SOX5: variants seen among roughly 807,000 people sequenced by gnomAD.
SOX5 encodes transcription factor SOX-5.
Under a neutral mutation model 92.0 loss-of-function variants are expected in SOX5, and 9 were observed. That is an observed-to-expected ratio of 0.10 (90% CI 0.06 to 0.17). The LOEUF is 0.17. Among genes scored for constraint, SOX5 ranks in the 10% least tolerant of loss-of-function variants. The pLI, the probability that SOX5 is intolerant of heterozygous loss-of-function variation, is 1.00. For missense variants in SOX5, 642 were observed against 944.5 expected, an observed-to-expected ratio of 0.68 and a Z score of 4.20; for synonymous variants, 344 against 336.3, an observed-to-expected ratio of 1.02 and a Z score of -0.25.
intron 1 of SOX5, among the ~76,000 whole-genome samples, chr12:24,417,182 G>A (rs1489595488): frequency 6.6e-6 from 1 of 152,176 alleles, no homozygotes; most frequent in South Asian, 2.1e-4. Context: ...GCAAAGCTAC[G>A]AGACTGGACA....
intron 1 of SOX5, among the ~76,000 whole-genome samples, chr12:24,396,315 CAG>C (rs1959943211): frequency 6.6e-6 from 1 of 152,132 alleles, no homozygotes; most frequent in Admixed American, 6.5e-5. Context: ...CTGCTATATC[CAG>C]ACGGTCCATG....
At chr12:23,843,626 C>A (rs1179027911) in intron 3 of SOX5, among the ~76,000 whole-genome samples, 1 of 139,454 alleles carries the variant, frequency 7.2e-6, no homozygotes, top group Non-Finnish European at 1.5e-5. Context: ...TGCAGTGGCC[C>A]AATCTTGGCT....
intron 2 of SOX5, among the ~76,000 whole-genome samples, chr12:24,337,339 T>C (rs2141034454): frequency 7.7e-6 from 1 of 129,424 alleles, no homozygotes; most frequent in South Asian, 2.9e-4. Context: ...ATCTGATTTT[T>C]CTTTTTTTTT....
intron 2 of SOX5, among the ~76,000 whole-genome samples, chr12:24,287,749 C>T (rs997883897): frequency 2.6e-5 from 4 of 152,002 alleles, no homozygotes; most frequent in East Asian, 1.9e-4. Context: ...TTTACTTAAG[C>T]GATCTGATTT....
intron 3 of SOX5, among the ~76,000 whole-genome samples, chr12:23,771,528 C>T (rs1304874000): frequency 1.3e-5 from 2 of 152,216 alleles, no homozygotes; most frequent in African/African-American, 2.4e-5. Flanking sequence ...AATTATACAA[C>T]CGCTGACTGA....
In SOX5 at chr12:23,978,708, T is replaced by G. The variant is rs138472114; in HGVS notation, c.-1-82684A>C. Among the ~76,000 whole-genome samples, 172 of 152,314 alleles carry G rather than the reference T, an allele frequency of 1.1e-3. 4 individuals carry two copies. The East Asian group carries it at 0.029, about 25-fold the overall frequency. On this transcript the variant is annotated intron_variant, in intron 4 of 4. Coordinates refer to the SOX5 transcript ENST00000446891. ...CTGTGTTCTGTGTTCCATATCTAGC[T>G]CTAAATGATGTCATTCGTTTGTCTG...
At chr12:24,159,296 A>C (rs1293002116) in intron 4 of SOX5, among the ~76,000 whole-genome samples, 3 of 151,970 alleles carry the variant, frequency 2.0e-5, no homozygotes, top group Admixed American at 6.6e-5. Flanking sequence ...AAGTAAAACA[A>C]GGTCCCTGCT....
intron 3 of SOX5, among the ~76,000 whole-genome samples, chr12:24,252,537 G>A (rs992992106): frequency 6.6e-6 from 1 of 152,054 alleles, no homozygotes; most frequent in Non-Finnish European, 1.5e-5. Flanking sequence ...TAATAGGCAA[G>A]TGTTTCATCT....
At chr12:24,025,823 C>T (rs1954811368) in intron 4 of SOX5, among the ~76,000 whole-genome samples, 1 of 152,050 alleles carries the variant, frequency 6.6e-6, no homozygotes, top group Non-Finnish European at 1.5e-5. Context: ...TCCAATGTTC[C>T]TCTGATATGA....
chr12:23,757,709 T>C (rs114196690), intron 3 of SOX5, among the ~76,000 whole-genome samples: 235 of 152,036 alleles, frequency 1.5e-3, no homozygotes, highest in African/African-American at 5.4e-3. Context: ...TAGAAATCCA[T>C]TGTGCACTAA....
chr12:24,119,520 AT>A (rs1371327018), intron 4 of SOX5, among the ~76,000 whole-genome samples: 10 of 152,266 alleles, frequency 6.6e-5, no homozygotes, highest in African/African-American at 2.2e-4. Flanking sequence ...TAAAGCCATA[AT>A]TTATGGAGTA....
intron 4 of SOX5, among the ~76,000 whole-genome samples, chr12:24,072,617 G>A (rs1265009987): frequency 6.6e-6 from 1 of 152,160 alleles, no homozygotes; most frequent in Non-Finnish European, 1.5e-5. Flanking sequence ...CAGCAATGTG[G>A]CCATAACTAC....
intron 4 of SOX5, among the ~76,000 whole-genome samples, chr12:24,146,240 CAA>C (rs1291123229): frequency 6.6e-6 from 1 of 151,978 alleles, no homozygotes; most frequent in African/African-American, 2.4e-5. Context: ...GTCCATAAAA[CAA>C]GTCTCAATAA....
chr12:24,164,645 T>C (rs919864650), intron 4 of SOX5, among the ~76,000 whole-genome samples: 1 of 152,110 alleles, frequency 6.6e-6, no homozygotes, highest in South Asian at 2.1e-4. Context: ...TACTTGTGTA[T>C]AAGCATTCAT....
chr12:23,916,554 GA>G (rs1386682600), intron 1 of SOX5, among the ~76,000 whole-genome samples: 32 of 152,218 alleles, frequency 2.1e-4, no homozygotes, highest in African/African-American at 7.0e-4. Flanking sequence ...GTACTGTCAA[GA>G]AATGTAAACC....
At chr12:23,966,154 T>C (rs77707267) in intron 4 of SOX5, among the ~76,000 whole-genome samples, 16,006 of 143,376 alleles carry the variant, frequency 0.11, 1,048 homozygotes, top group Admixed American at 0.21. Context: ...ACATCTTTTT[T>C]TCCAGAATCC....
chr12:23,974,965 A>G (rs963645076), intron 4 of SOX5, among the ~76,000 whole-genome samples: 6 of 152,182 alleles, frequency 3.9e-5, no homozygotes, highest in Admixed American at 2.0e-4. Flanking sequence ...AAAAGAAACT[A>G]AAATATCAAT....
intron 4 of SOX5, among the ~76,000 whole-genome samples, chr12:24,193,769 T>C (rs1956747966): frequency 6.6e-6 from 1 of 152,230 alleles, no homozygotes; most frequent in Non-Finnish European, 1.5e-5. Flanking sequence ...TTAAAATACA[T>C]TACAGTAGTG....
At chr12:24,142,447 T>C (rs1565520764) in intron 4 of SOX5, among the ~76,000 whole-genome samples, 1 of 152,032 alleles carries the variant, frequency 6.6e-6, no homozygotes, top group Non-Finnish European at 1.5e-5. Flanking sequence ...GATGGTTGTG[T>C]ATAGAAACAT....
Sources: gnomAD v4.1 joint callset for allele counts (sites outside exome capture counted in the v4.1 genomes callset) on GRCh38, gnomAD v4.1.1 for gene constraint, MANE v1.5 for transcripts, NCBI Gene and HGNC (gene_info 2026-07-23, HGNC 2026-07-21) for gene names.